MARCO: variants seen among roughly 807,000 people sequenced by gnomAD.
MARCO encodes macrophage receptor with collagenous structure, also known as macrophage receptor MARCO.
In MARCO, 72 loss-of-function variants were observed where a neutral mutation model predicts 70.0. The ratio of observed to expected loss-of-function variants is 1.03; its 90% confidence interval spans 0.85 to 1.25. MARCO has a LOEUF of 1.25. Ranked by LOEUF, MARCO falls within the 50% of genes most tolerant of loss-of-function variation. The probability of loss-of-function intolerance (pLI) is 0.00; values close to 1 mark genes in which losing one functional copy is unlikely to be tolerated. For synonymous variants in MARCO, 273 were observed against 243.1 expected (o/e 1.12, Z -1.14); for missense variants, 696 against 659.3 (o/e 1.06, Z -0.61).
intron 15 of MARCO, among the ~76,000 whole-genome samples, chr2:118,992,835 CT>C (rs1467985795): frequency 6.7e-6 from 1 of 150,304 alleles, no homozygotes; most frequent in Non-Finnish European, 1.5e-5. Context: ...CTCAGCTTTC[CT>C]TTTTTTCTCT....
intron 1 of MARCO, among the ~76,000 whole-genome samples, chr2:118,965,208 G>T (rs537238119): frequency 2.0e-5 from 3 of 152,094 alleles, no homozygotes; most frequent in Non-Finnish European, 1.5e-5. Flanking sequence ...CTGGCCCACA[G>T]GTCTCTGAGG....
At chr2:118,991,931 C>G in intron 14 of MARCO, 56 bp downstream of exon 14, 1 of 1,237,100 alleles carries the variant, frequency 8.1e-7, no homozygotes, top group South Asian at 1.4e-5. Flanking sequence ...ACAGCCAGTT[C>G]TGTACCTTAA....
chr2:118,984,226 C>A (rs1263801337), intron 12 of MARCO, among the ~76,000 whole-genome samples: 2 of 152,186 alleles, frequency 1.3e-5, no homozygotes, highest in East Asian at 1.9e-4. Context: ...AGGATCAGAG[C>A]AGAAGGTAGC....
chr2:118,970,063 A>T (rs1261481406), intron 2 of MARCO, 51 bp from the exon 3 acceptor site: 5 of 1,441,144 alleles, frequency 3.5e-6, no homozygotes, highest in Non-Finnish European at 4.9e-6. Flanking sequence ...AATGTCAGGG[A>T]TATGCTCAAA....
chr2:118,945,114 C>G (rs553862373), intron 1 of MARCO, among the ~76,000 whole-genome samples: 116 of 152,236 alleles, frequency 7.6e-4, no homozygotes, highest in African/African-American at 2.7e-3. Context: ...CCCTCAGGGT[C>G]TCACAGAATC....
intron 1 of MARCO, among the ~76,000 whole-genome samples, chr2:118,951,139 A>G (rs142466241): frequency 0.042 from 6,369 of 152,264 alleles, 414 homozygotes; most frequent in African/African-American, 0.15. Context: ...TGCTTCTACA[A>G]GAGTTTCCTT....
chr2:118,986,609 GA>G (rs1336763216), intron 12 of MARCO, among the ~76,000 whole-genome samples: 6 of 16,936 alleles, frequency 3.5e-4, no homozygotes, highest in Admixed American at 1.3e-3. Context: ...AAGAAAGAAA[GA>G]AAGAAAGAAA....
intron 1 of MARCO, among the ~76,000 whole-genome samples, chr2:118,952,010 C>T (rs1271882690): frequency 6.6e-6 from 1 of 152,176 alleles, no homozygotes; most frequent in Non-Finnish European, 1.5e-5. Context: ...CTCTGCCAGC[C>T]ACTTATGTTG....
chr2:118,958,519 A>G (rs950712035), intron 1 of MARCO, among the ~76,000 whole-genome samples: 5 of 152,266 alleles, frequency 3.3e-5, no homozygotes, highest in South Asian at 2.1e-4. Flanking sequence ...ACACAAACAA[A>G]TGGAAACACA....
chr2:118,974,441 G>A lies in MARCO; in HGVS notation c.568+1G>A, dbSNP rs986113549. ...GCTATGGGACGAGATGGAGCAACAG[G>A]TACGGGTCTTTTTCTTCTGACCCTT... On this transcript the variant is annotated splice_donor_variant, in intron 5 of 16. Coordinates refer to ENST00000327097, the MANE Select transcript of MARCO (RefSeq NM_006770.4). LOFTEE classifies it high-confidence loss of function. The A allele has an allele frequency of 1.2e-5, 20 of 1,612,592 alleles. No individual in the cohort carries two copies. Among genetic ancestry groups the A allele is most frequent in the Non-Finnish European group, 1.7e-5 (20 of 1,179,406 alleles).
intron 1 of MARCO, among the ~76,000 whole-genome samples, chr2:118,960,338 G>A (rs939927717): frequency 2.0e-5 from 3 of 151,966 alleles, no homozygotes; most frequent in African/African-American, 7.3e-5. Context: ...GCCTTGTTTC[G>A]AATCTTAAGG....
intron 1 of MARCO, among the ~76,000 whole-genome samples, chr2:118,960,881 C>T (rs1403669582): frequency 6.6e-6 from 1 of 152,088 alleles, no homozygotes; most frequent in East Asian, 1.9e-4. Context: ...ATTCCTAATG[C>T]TCTCCCTATA....
In MARCO at chr2:118,977,478, A is replaced by G. The variant is rs1462233168; in HGVS notation, c.621A>G (p.Gln207=). Residue 207 remains glutamine (Q), a synonymous_variant, in exon 7 of 17, where the codon CAA becomes CAG. Coordinates refer to ENST00000327097, the MANE Select transcript of MARCO (RefSeq NM_006770.4). ...TTTTTTCCTTCCTCACAGGCCTCCA[A>G]GGACCCCAGGGTGCTCCAGGGAAGC... is the stretch of plus-strand genomic sequence containing the variant. ...PPGVKGEAGL[Q]GPQGAPGKQG... is the part of the protein sequence containing the mutation. The G allele has an allele frequency of 1.9e-6, 3 of 1,613,828 alleles. No homozygotes were observed. The highest frequency in any genetic ancestry group is 2.7e-5 in the African/African-American group (2 of 74,890).
chr2:118,956,692 T>C (rs910132727), intron 1 of MARCO, among the ~76,000 whole-genome samples: 3 of 152,136 alleles, frequency 2.0e-5, no homozygotes, highest in African/African-American at 7.2e-5. Context: ...AGAATACACA[T>C]TCTATTCAAC....
chr2:118,963,880 T>C (rs558374570), intron 1 of MARCO, among the ~76,000 whole-genome samples: 62 of 152,304 alleles, frequency 4.1e-4, no homozygotes, highest in African/African-American at 1.4e-3. Flanking sequence ...AGTGCTTAAA[T>C]TGGCCATCTT....
At position 118,982,158 on chromosome 2, in the gene MARCO, C is replaced by T. The variant is rs368112112; in HGVS notation, c.904C>T (p.Gln302Ter). 6.2e-7 allele frequency: 1 copy of T among 1,607,206 alleles called. No individual in the cohort carries two copies. The highest frequency in any genetic ancestry group is 2.2e-5 in the East Asian group (1 of 44,714). ...GGCAGTCACTACTTTCCTTTCAGGA[C>T]AACCTGGACTGCAGGGTGTTCCGGG... ...GFPGAKGDQG[Q>*]PGLQGVPGPP... Residue 302 changes from glutamine to a stop codon, truncating the protein, a stop_gained and splice_region_variant, in exon 11 of 17, where the codon CAA becomes TAA. Transcript: ENST00000327097. LOFTEE classifies it high-confidence loss of function.
intron 6 of MARCO, among the ~76,000 whole-genome samples, chr2:118,976,407 C>T (rs1240496089): frequency 6.6e-6 from 1 of 152,108 alleles, no homozygotes; most frequent in Admixed American, 6.5e-5. Context: ...CTTAGAGCCT[C>T]TCTATATACA....
rs781463416 is a variant in MARCO, at chr2:118,969,259, A to T, written c.197A>T (p.Gln66Leu). 1.6e-5 allele frequency: 26 copies of T among 1,613,722 alleles called. No individual in the cohort carries two copies. Among genetic ancestry groups the T allele is most frequent in the African/African-American group, 2.7e-5 (2 of 74,912 alleles). Reference protein sequence around the residue: ...LTAGAGLLVVQVLNLQARLRV... With the variant: ...LTAGAGLLVVLVLNLQARLRV... ...GCTGGCGCTGGGCTGCTGGTGGTCC[A>T]AGGTAAAGCAGGCTTGGTCCTGTGT... The change falls in exon 2 of 17, where the codon CAA becomes CTA. Residue 66 changes from glutamine to leucine, a missense_variant and splice_region_variant. Physicochemically the swap from Gln to Leu is moderately radical, Grantham distance 113 (BLOSUM62 -2). Coordinates refer to ENST00000327097, the MANE Select transcript of MARCO (RefSeq NM_006770.4).
At chr2:118,960,909 G>A (rs1349538384) in intron 1 of MARCO, among the ~76,000 whole-genome samples, 1 of 151,890 alleles carries the variant, frequency 6.6e-6, no homozygotes, top group African/African-American at 2.4e-5. Flanking sequence ...CCCCTGACTG[G>A]CCCCAGTGTG....
Sources: allele counts gnomAD v4.1 joint callset (sites outside exome capture counted in the v4.1 genomes callset), GRCh38; gene constraint gnomAD v4.1.1; transcripts MANE v1.5; gene names NCBI Gene and HGNC (gene_info 2026-07-23, HGNC 2026-07-21).